The following PRKD1 variants were observed in gnomAD, a reference collection of about 807,000 sequenced individuals.
PRKD1 encodes protein kinase D1.
Under a neutral mutation model 95.9 loss-of-function variants are expected in PRKD1, and 63 were observed. The ratio of observed to expected loss-of-function variants is 0.66; its 90% CI spans 0.54 to 0.81. PRKD1 has a LOEUF of 0.81. Among genes scored for constraint, PRKD1 ranks in the 30% least tolerant of loss-of-function variants. The pLI is 0.00. For missense variants in PRKD1, 1,048 were observed against 1,165.3 expected (o/e 0.90, Z 1.47); for synonymous variants, 425 against 423.1 (o/e 1.00, Z -0.05).
intron 4 of PRKD1, among the ~76,000 whole-genome samples, chr14:29,639,880 A>G (rs1411855769): frequency 1.3e-5 from 2 of 152,140 alleles, no homozygotes; most frequent in African/African-American, 2.4e-5. Context: ...TCAGCCCAGT[A>G]TATAGATTTT....
rs60316151 is a variant in PRKD1, at chr14:29,859,607, C to CA, written c.264+67641dup. ...TGGGCAACAGAGCAAGACTCTGTCT[C>CA]AAAAAAAAAAAAAAAATCTGACAGT... On this transcript the variant is annotated intron_variant, in intron 1 of 17. Coordinates refer to ENST00000331968, the MANE Select transcript of PRKD1 (RefSeq NM_002742.3). Among the ~76,000 whole-genome samples, 547 of 124,546 alleles carry CA rather than the reference C, an allele frequency of 4.4e-3. 1 individual carries two copies. Among genetic ancestry groups the CA allele is most frequent in the Admixed American group, 0.013 (152 of 11,760 alleles). The allele number at this position is 124,546 out of a possible 152,430, so 81.7% of individuals were successfully genotyped here.
chr14:29,626,003 G>A (rs1293416834), intron 12 of PRKD1, among the ~76,000 whole-genome samples: 1 of 151,638 alleles, frequency 6.6e-6, no homozygotes, highest in Non-Finnish European at 1.5e-5. Context: ...TAAGAAAATA[G>A]GTAAAGACTT....
chr14:29,609,040 C>T (rs1219575536), intron 13 of PRKD1, among the ~76,000 whole-genome samples: 1 of 152,168 alleles, frequency 6.6e-6, no homozygotes, highest in African/African-American at 2.4e-5. Flanking sequence ...GAACAGGTGT[C>T]ACTGGTTGAC....
intron 1 of PRKD1, among the ~76,000 whole-genome samples, chr14:29,872,287 T>G (rs45522641): frequency 6.6e-6 from 1 of 152,100 alleles, no homozygotes; most frequent in Non-Finnish European, 1.5e-5. Context: ...TAAAATATAA[T>G]GACAAAAATA....
chr14:29,711,516 C>T (rs146648611), intron 2 of PRKD1, among the ~76,000 whole-genome samples: 1 of 152,070 alleles, frequency 6.6e-6, no homozygotes, highest in Admixed American at 6.6e-5. Context: ...TAATATGAAA[C>T]GGGGAGATTC....
intron 4 of PRKD1, among the ~76,000 whole-genome samples, chr14:29,647,550 G>A (rs2139165289): frequency 6.6e-6 from 1 of 152,302 alleles, no homozygotes; most frequent in East Asian, 1.9e-4. Flanking sequence ...ATTTGACCTT[G>A]CCTGAATAGA....
chr14:29,643,205 C>A (rs927111586), intron 4 of PRKD1, among the ~76,000 whole-genome samples: 13 of 151,946 alleles, frequency 8.6e-5, no homozygotes, highest in African/African-American at 3.1e-4. Context: ...GAGATAGATG[C>A]ATATAAATGA....
intron 1 of PRKD1, among the ~76,000 whole-genome samples, chr14:29,844,871 C>T (rs1892019388): frequency 6.6e-6 from 1 of 152,250 alleles, no homozygotes; most frequent in African/African-American, 2.4e-5. Flanking sequence ...ATCAGATATC[C>T]GTTCTGGTCA....
intron 16 of PRKD1, among the ~76,000 whole-genome samples, chr14:29,594,991 A>AT (rs1893250236): frequency 7.9e-6 from 1 of 126,882 alleles, no homozygotes; most frequent in Admixed American, 7.7e-5. Flanking sequence ...CAGCTAGGTA[A>AT]CTTTTTTTTT....
chr14:29,818,328 C>T (rs1472052458), intron 1 of PRKD1, among the ~76,000 whole-genome samples: 1 of 152,162 alleles, frequency 6.6e-6, no homozygotes, highest in African/African-American at 2.4e-5. Context: ...GATAAATATC[C>T]ACAGCAGTTT....
chr14:29,899,472 C>A (rs1214960479), intron 1 of PRKD1, among the ~76,000 whole-genome samples: 1 of 152,006 alleles, frequency 6.6e-6, no homozygotes, highest in Non-Finnish European at 1.5e-5. Context: ...CATGGTAAAA[C>A]CCCATCTCTA....
intron 2 of PRKD1, among the ~76,000 whole-genome samples, chr14:29,705,682 T>G (rs1192252035): frequency 6.6e-6 from 1 of 152,092 alleles, no homozygotes; most frequent in East Asian, 1.9e-4. Context: ...ACTTTCTGTT[T>G]GTATGGTTGT....
intron 9 of PRKD1, among the ~76,000 whole-genome samples, chr14:29,632,169 T>C (rs983047784): frequency 2.0e-5 from 3 of 152,182 alleles, no homozygotes; most frequent in African/African-American, 7.2e-5. Context: ...CCAGGAAGTA[T>C]GCAGGGGCTA....
At position 29,922,718 on chromosome 14, in the gene PRKD1, T is replaced by C. The variant is rs556967388; in HGVS notation, c.264+4531A>G. Among the ~76,000 whole-genome samples, 5 of 151,882 alleles carry C rather than the reference T, an allele frequency of 3.3e-5. No homozygotes were observed. The East Asian group carries it at 9.8e-4, about 30-fold the overall frequency. On this transcript the variant is annotated intron_variant, in intron 1 of 17. Coordinates refer to ENST00000331968, the MANE Select transcript of PRKD1 (RefSeq NM_002742.3). ...GGGCAACACAGTGAGACATTGTCTGTATAAAAAAATTATAAAAATTAGTCA... is the reference window on the plus strand; with the variant it reads ...GGGCAACACAGTGAGACATTGTCTGCATAAAAAAATTATAAAAATTAGTCA...
chr14:29,806,578 G>C (rs1204372247), intron 1 of PRKD1, among the ~76,000 whole-genome samples: 1 of 152,180 alleles, frequency 6.6e-6, no homozygotes, highest in Non-Finnish European at 1.5e-5. Context: ...TGTTTGGTTA[G>C]ATGAGCATTA....
chr14:29,720,284 T>C (rs1308821778), intron 2 of PRKD1, among the ~76,000 whole-genome samples: 9 of 152,152 alleles, frequency 5.9e-5, no homozygotes, highest in Non-Finnish European at 8.8e-5. Context: ...ACAGAATGAT[T>C]ACAAGTCTTG....
chr14:29,663,277 TAA>T (rs1882294367), intron 4 of PRKD1, among the ~76,000 whole-genome samples: 1 of 151,446 alleles, frequency 6.6e-6, no homozygotes, highest in African/African-American at 2.4e-5. Flanking sequence ...TGCCAAGCAA[TAA>T]AGACTTTCAT....
intron 16 of PRKD1, chr14:29,594,299 T>C: frequency 3.1e-6 from 1 of 325,954 alleles, no homozygotes; most frequent in Non-Finnish European, 6.0e-6. Context: ...ACATTACAAC[T>C]AGCAATATGT....
chr14:29,697,649 G>A (rs570973664), intron 2 of PRKD1, among the ~76,000 whole-genome samples: 74 of 151,972 alleles, frequency 4.9e-4, no homozygotes, highest in Admixed American at 7.9e-4. Flanking sequence ...ATAAAATGTC[G>A]TTTCATGAAT....
Sources: gnomAD v4.1 joint callset for allele counts (sites outside exome capture counted in the v4.1 genomes callset) on GRCh38, gnomAD v4.1.1 for gene constraint, MANE v1.5 for transcripts, NCBI Gene and HGNC (gene_info 2026-07-23, HGNC 2026-07-21) for gene names.